RELN: variants seen among roughly 807,000 people sequenced by gnomAD.
RELN encodes the protein reelin.
A neutral mutation model predicts 427.6 loss-of-function variants in RELN; 108 were observed. The observed-to-expected ratio is 0.25, with a 90% CI of 0.22 to 0.30. The LOEUF (loss-of-function observed/expected upper bound fraction) is 0.30. RELN is among the 10% of genes least tolerant of loss of function. RELN has a pLI of 1.00. For missense variants in RELN, 3,715 were observed against 4,302.8 expected, an observed-to-expected ratio of 0.86 and a Z score of 3.82; for synonymous variants, 1,524 against 1,513.4, an observed-to-expected ratio of 1.01 and a Z score of -0.16.
At chr7:103,580,251 T>C (rs1050041658) in intron 28 of RELN, among the ~76,000 whole-genome samples, 6 of 152,348 alleles carry the variant, frequency 3.9e-5, no homozygotes, top group African/African-American at 1.2e-4. Flanking sequence ...GAGTTTAACA[T>C]ATTGCAGAAG....
At chr7:103,607,106 T>A (rs1397755538) in intron 22 of RELN, among the ~76,000 whole-genome samples, 1 of 78,540 alleles carries the variant, frequency 1.3e-5, no homozygotes, top group South Asian at 5.5e-4. Context: ...GGGTGGGGGG[T>A]GGGGGGAGGG....
chr7:103,683,587 C>T (rs1833699133), intron 10 of RELN, among the ~76,000 whole-genome samples: 1 of 152,052 alleles, frequency 6.6e-6, no homozygotes, highest in Non-Finnish European at 1.5e-5. Context: ...TGGCATAATA[C>T]ATTACTCATG....
rs1368398060 is a variant in RELN at position 103,545,647 on chromosome 7, TA to T, written c.6303-304del. ...CTTCTCCATCCTTACTATTTTGTTT[TA>T]TTTTTTTTTTTGAGACAGAGTCTCA... On this transcript the variant is annotated intron_variant, in intron 41 of 64. Coordinates refer to ENST00000428762, the MANE Select transcript of RELN (RefSeq NM_005045.4). Among the ~76,000 whole-genome samples, 103 of 147,332 alleles carry T rather than the reference TA, an allele frequency of 7.0e-4. 2 individuals are homozygous for T. The highest frequency in any genetic ancestry group is 2.5e-3 in the African/African-American group (97 of 38,120).
chr7:103,669,202 T>C (rs1409292875), intron 11 of RELN, among the ~76,000 whole-genome samples: 1 of 152,202 alleles, frequency 6.6e-6, no homozygotes, highest in Admixed American at 6.5e-5. Flanking sequence ...TTACTTCCTT[T>C]AGAAATCCAA....
chr7:103,767,230 T>C (rs1044449771), intron 4 of RELN, among the ~76,000 whole-genome samples: 1 of 151,954 alleles, frequency 6.6e-6, no homozygotes, highest in Non-Finnish European at 1.5e-5. Flanking sequence ...GTATATGTGT[T>C]CTTTCCAAGG....
intron 6 of RELN, among the ~76,000 whole-genome samples, chr7:103,741,451 A>G (rs1790652537): frequency 6.6e-6 from 1 of 152,022 alleles, no homozygotes; most frequent in Admixed American, 6.6e-5. Flanking sequence ...GACTCAGTTA[A>G]ATAAATTAGC....
At chr7:103,537,269 T>C (rs1830074231) in intron 45 of RELN, among the ~76,000 whole-genome samples, 1 of 152,348 alleles carries the variant, frequency 6.6e-6, no homozygotes, top group African/African-American at 2.4e-5. Context: ...TGTCTCTTCA[T>C]GCCACATAGT....
intron 3 of RELN, among the ~76,000 whole-genome samples, chr7:103,811,317 T>C (rs529984626): frequency 2.0e-5 from 3 of 152,176 alleles, no homozygotes; most frequent in South Asian, 4.1e-4. Context: ...ACCTGGTGCA[T>C]AAAGTCATGC....
At chr7:103,936,141 G>A (rs1795979180) in intron 1 of RELN, among the ~76,000 whole-genome samples, 2 of 147,244 alleles carry the variant, frequency 1.4e-5, no homozygotes, top group South Asian at 4.3e-4. Flanking sequence ...CACCCAGGCT[G>A]GAGTGCAGTA....
At chr7:103,478,570 C>A (rs1562838210) in intron 63 of RELN, 176 bp from the exon 64 acceptor site, 3 of 636,730 alleles carry the variant, frequency 4.7e-6, no homozygotes, top group East Asian at 5.7e-5. Flanking sequence ...TTCTTCTATA[C>A]CCAAGATCTA....
chr7:103,728,255 C>G, intron 6 of RELN, 48 bp from the exon 7 acceptor site: 2 of 1,540,486 alleles, frequency 1.3e-6, no homozygotes, highest in Non-Finnish European at 1.8e-6. Flanking sequence ...AAGTAGCACA[C>G]GTGGTTTACT....
At chr7:103,854,745 C>A (rs757867276) in intron 2 of RELN, among the ~76,000 whole-genome samples, 1 of 152,168 alleles carries the variant, frequency 6.6e-6, no homozygotes, top group Non-Finnish European at 1.5e-5. Flanking sequence ...GAACAAAGAA[C>A]GTGTCAGGAG....
intron 3 of RELN, among the ~76,000 whole-genome samples, chr7:103,826,816 C>T (rs1305126045): frequency 1.3e-5 from 2 of 151,938 alleles, no homozygotes; most frequent in African/African-American, 2.4e-5. Flanking sequence ...CTTTCACAAA[C>T]GTTCTATGTG....
intron 2 of RELN, among the ~76,000 whole-genome samples, chr7:103,902,685 A>C (rs2116623668): frequency 6.6e-6 from 1 of 152,236 alleles, no homozygotes; most frequent in East Asian, 1.9e-4. Flanking sequence ...TGCTTGCCTC[A>C]GAGAACAGCC....
rs755660948 is a variant in RELN, at chr7:103,496,703, T to G, written c.9016A>C (p.Ile3006Leu). ...QKYISVRHDY[I>L]LLPEDALTNT... ...GTGAGGGCATCTTCAGGAAGAAGTA[T>G]GTAGTCGTGTCTAACAGAAATGTAT... The change falls in exon 56 of 65, where the codon ATA (isoleucine) becomes CTA (leucine). Residue 3006 changes from isoleucine (I) to leucine (L), a missense_variant. By Grantham distance (5) the Ile-to-Leu change is conservative. Transcript: ENST00000428762. 3.1e-6 allele frequency: 5 copies of G among 1,614,136 alleles called. No individual in the cohort carries two copies. The East Asian group carries it at 1.1e-4, about 36-fold the overall frequency.
At chr7:103,513,476 G>A (rs1829479587) in intron 50 of RELN, 1 of 152,124 alleles carries the variant, frequency 6.6e-6, no homozygotes, top group South Asian at 2.1e-4. Context: ...AAAAAAATGA[G>A]TAATGAAGCA....
chr7:103,658,055 G>A (rs1252741964), intron 12 of RELN, among the ~76,000 whole-genome samples: 1 of 152,102 alleles, frequency 6.6e-6, no homozygotes, highest in Non-Finnish European at 1.5e-5. Flanking sequence ...ATATTTGTTG[G>A]AGGAACAATA....
At chr7:103,676,839 T>C (rs1043140777) in intron 11 of RELN, among the ~76,000 whole-genome samples, 2 of 151,456 alleles carry the variant, frequency 1.3e-5, no homozygotes, top group African/African-American at 4.9e-5. Flanking sequence ...AATTGAACAA[T>C]GAGAATACTT....
chr7:103,940,493 A>G (rs745892362), intron 1 of RELN, among the ~76,000 whole-genome samples: 1 of 152,188 alleles, frequency 6.6e-6, no homozygotes, highest in Non-Finnish European at 1.5e-5. Flanking sequence ...CTAAAAACAC[A>G]AAGTATACTG....
Sources: allele counts gnomAD v4.1 joint callset (sites outside exome capture counted in the v4.1 genomes callset), GRCh38; gene constraint gnomAD v4.1.1; transcripts MANE v1.5; gene names NCBI Gene and HGNC (gene_info 2026-07-23, HGNC 2026-07-21).